The following ANKRD30BL variants were observed in gnomAD, a reference collection of about 807,000 sequenced individuals.
The protein encoded by ANKRD30BL is ankyrin repeat domain 30B like.
A neutral mutation model predicts 18.4 loss-of-function variants in ANKRD30BL; 20 were observed. The ratio of observed to expected loss-of-function variants is 1.09; its 90% CI spans 0.77 to 1.58. ANKRD30BL has a LOEUF of 1.58. Among genes scored for constraint, ANKRD30BL ranks in the 40% most tolerant of loss-of-function variants. The pLI, the probability that ANKRD30BL is intolerant of heterozygous loss-of-function variation, is 0.00. For missense variants in ANKRD30BL, 224 were observed against 268.6 expected (o/e 0.83, Z 1.16); for synonymous variants, 72 against 100.9 (o/e 0.71, Z 1.72).
chr2:132,221,761 C>T (rs1431486441), intron 1 of ANKRD30BL, among the ~76,000 whole-genome samples: 1 of 106,966 alleles, frequency 9.3e-6, no homozygotes, highest in Non-Finnish European at 1.8e-5. Flanking sequence ...CCCGGCCGCC[C>T]CTACTGGGAA....
intron 1 of ANKRD30BL, among the ~76,000 whole-genome samples, chr2:132,195,036 A>T (rs4108885): frequency 0.11 from 17,137 of 152,052 alleles, 3,221 homozygotes; most frequent in African/African-American, 0.39. Context: ...AATTTGAGGT[A>T]GGCTATAGAA....
chr2:132,205,763 T>C lies in ANKRD30BL; in HGVS notation n.442-48617A>G, dbSNP rs2315224. ...AATGCAGAATGTTTAGAAAGGTCAATTAGGAAGCTCCCATAAATATTCTCA... is the reference window on the plus strand; with the variant it reads ...AATGCAGAATGTTTAGAAAGGTCAACTAGGAAGCTCCCATAAATATTCTCA... On this transcript the variant is annotated intron_variant and non_coding_transcript_variant, in intron 1 of 4. Coordinates refer to the ANKRD30BL transcript ENST00000470729. Among the ~76,000 whole-genome samples the C allele has an allele frequency of 1.3e-3, 199 of 152,068 alleles. 1 individual carries two copies. Among genetic ancestry groups the C allele is most frequent in the African/African-American group, 4.6e-3 (191 of 41,540 alleles).
At chr2:132,235,116 A>G (rs201229631) in intron 1 of ANKRD30BL, among the ~76,000 whole-genome samples, 3 of 152,136 alleles carry the variant, frequency 2.0e-5, no homozygotes, top group African/African-American at 7.2e-5. Flanking sequence ...ATGCAGAAAA[A>G]GCCTTTGACA....
At chr2:132,233,534 T>C (rs1680077348) in intron 1 of ANKRD30BL, among the ~76,000 whole-genome samples, 1 of 146,924 alleles carries the variant, frequency 6.8e-6, no homozygotes, top group African/African-American at 2.5e-5. Flanking sequence ...GGGGTTGCAA[T>C]CCTAGTCTCT....
intron 1 of ANKRD30BL, among the ~76,000 whole-genome samples, chr2:132,229,153 G>T (rs1421055062): frequency 6.6e-6 from 1 of 152,116 alleles, no homozygotes; most frequent in Non-Finnish European, 1.5e-5. Context: ...AAACTACTTT[G>T]TGATGTGTGC....
At chr2:132,182,841 C>T (rs79138571) in intron 1 of ANKRD30BL, among the ~76,000 whole-genome samples, 4 of 152,048 alleles carry the variant, frequency 2.6e-5, no homozygotes, top group Admixed American at 1.3e-4. Flanking sequence ...CACATTTATT[C>T]ATTGAATTCC....
intron 1 of ANKRD30BL, among the ~76,000 whole-genome samples, chr2:132,174,804 A>G (rs1688333661): frequency 6.6e-6 from 1 of 152,212 alleles, no homozygotes; most frequent in Non-Finnish European, 1.5e-5. Flanking sequence ...CTAGATGTTT[A>G]AAATATTGTA....
intron 1 of ANKRD30BL, among the ~76,000 whole-genome samples, chr2:132,216,064 G>T (rs145737142): frequency 6.6e-6 from 1 of 150,414 alleles, no homozygotes; most frequent in Non-Finnish European, 1.5e-5. Flanking sequence ...TTGTGATGTG[G>T]GCATTCATCT....
chr2:132,202,731 A>T (rs571171357), intron 1 of ANKRD30BL, among the ~76,000 whole-genome samples: 1 of 152,086 alleles, frequency 6.6e-6, no homozygotes, highest in East Asian at 1.9e-4. Flanking sequence ...ATATTTGCGT[A>T]CACACACCAT....
At chr2:132,222,832 T>TAAAAAAAAAAAAAAAAAAAAAAAAAAAAA (rs71001178) in intron 1 of ANKRD30BL, among the ~76,000 whole-genome samples, 1 of 52,812 alleles carries the variant, frequency 1.9e-5, no homozygotes, top group Non-Finnish European at 3.8e-5. Flanking sequence ...GAATGATCAA[T>TAAAAAAAAAAAAAAAAAAAAAAAAAAAAA]AAAAAAAAAA....
chr2:132,242,538 T>G (rs1396332034), intron 1 of ANKRD30BL, among the ~76,000 whole-genome samples: 1 of 140,894 alleles, frequency 7.1e-6, no homozygotes, highest in Admixed American at 6.7e-5. Context: ...AAAGGAAATA[T>G]CTTTCCATTA....
At chr2:132,254,623 A>G (rs915208008) in intron 1 of ANKRD30BL, among the ~76,000 whole-genome samples, 3 of 152,336 alleles carry the variant, frequency 2.0e-5, no homozygotes, top group African/African-American at 7.2e-5. Flanking sequence ...AATGAGGTTC[A>G]ACAGGTTACC....
At chr2:132,230,934 C>A (rs1313913450) in intron 1 of ANKRD30BL, among the ~76,000 whole-genome samples, 4 of 152,048 alleles carry the variant, frequency 2.6e-5, no homozygotes, top group African/African-American at 9.7e-5. Context: ...TTTGTAAAAT[C>A]TGCAAGTGGA....
At chr2:132,240,131 T>A (rs139454257) in intron 1 of ANKRD30BL, among the ~76,000 whole-genome samples, 5 of 151,492 alleles carry the variant, frequency 3.3e-5, no homozygotes, top group Non-Finnish European at 7.4e-5. Context: ...ATGAGACCTA[T>A]GGTGAAAAAG....
intron 1 of ANKRD30BL, among the ~76,000 whole-genome samples, chr2:132,232,083 C>T (rs1680037211): frequency 6.6e-6 from 1 of 152,182 alleles, no homozygotes; most frequent in South Asian, 2.1e-4. Context: ...ACACTGACAC[C>T]TCACACGGCA....
chr2:132,171,557 T>G (rs1413024678), intron 1 of ANKRD30BL, among the ~76,000 whole-genome samples: 4 of 152,208 alleles, frequency 2.6e-5, no homozygotes, highest in Admixed American at 2.0e-4. Context: ...TGCTCTGGAG[T>G]GCATTTACTG....
chr2:132,159,568 G>A (rs1443465597), intron 1 of ANKRD30BL, among the ~76,000 whole-genome samples: 1 of 152,086 alleles, frequency 6.6e-6, no homozygotes, highest in Non-Finnish European at 1.5e-5. Context: ...TTTTAGATCT[G>A]CAATTTATAT....
At chr2:132,153,809 C>T (rs1197098394) in intron 4 of ANKRD30BL, 1 of 413,988 alleles carries the variant, frequency 2.4e-6, no homozygotes, top group Non-Finnish European at 4.6e-6. Flanking sequence ...CTTGAGTGCT[C>T]AAGTGTTTAT....
chr2:132,208,557 A>AGTT (rs1356666565), intron 1 of ANKRD30BL, among the ~76,000 whole-genome samples: 1 of 152,174 alleles, frequency 6.6e-6, no homozygotes, highest in African/African-American at 2.4e-5. Context: ...AGACAAAAAT[A>AGTT]GTTATACTTC....
Sources: allele counts gnomAD v4.1 joint callset (sites outside exome capture counted in the v4.1 genomes callset), GRCh38; gene constraint gnomAD v4.1.1; transcripts MANE v1.5; gene names NCBI Gene and HGNC (gene_info 2026-07-23, HGNC 2026-07-21).